Variants in EHBP1 observed in about 807,000 individuals in gnomAD.
The protein encoded by EHBP1 is EH domain-binding protein 1.
A neutral mutation model predicts 144.0 loss-of-function variants in EHBP1; 55 were observed. That is an observed-to-expected ratio of 0.38 (90% confidence interval 0.31 to 0.48). EHBP1 has a LOEUF of 0.48. Ranked by LOEUF, EHBP1 falls within the 20% of genes least tolerant of loss-of-function variation. The pLI, the probability that EHBP1 is intolerant of heterozygous loss-of-function variation, is 0.98. For missense variants in EHBP1, 1,200 were observed against 1,364.2 expected (o/e 0.88, Z 1.90); for synonymous variants, 469 against 472.7 (o/e 0.99, Z 0.10).
chr2:62,743,095 G>A (rs563408587), intron 2 of EHBP1, among the ~76,000 whole-genome samples: 39 of 151,972 alleles, frequency 2.6e-4, no homozygotes, highest in Middle Eastern at 3.4e-3. Context: ...TTATTATATC[G>A]TATAGAAATA....
intron 3 of EHBP1, among the ~76,000 whole-genome samples, chr2:62,763,962 G>A (rs1421628014): frequency 1.3e-5 from 2 of 151,902 alleles, no homozygotes; most frequent in African/African-American, 2.4e-5. Flanking sequence ...GAAAACATGA[G>A]ACATCATGTT....
At chr2:63,008,596 CTTT>C (rs1381866088) in intron 19 of EHBP1, among the ~76,000 whole-genome samples, 1 of 144,006 alleles carries the variant, frequency 6.9e-6, no homozygotes, top group Non-Finnish European at 1.5e-5. Flanking sequence ...CAAAAGATAT[CTTT>C]TTGTACCTAG....
chr2:62,835,160 A>G (rs1050949726), intron 7 of EHBP1, among the ~76,000 whole-genome samples: 9 of 151,954 alleles, frequency 5.9e-5, no homozygotes, highest in East Asian at 1.9e-4. Flanking sequence ...TTTTTAACCT[A>G]TCTGTGTTAT....
At chr2:62,997,448 G>A (rs2059685197) in intron 19 of EHBP1, among the ~76,000 whole-genome samples, 1 of 151,014 alleles carries the variant, frequency 6.6e-6, no homozygotes, top group Admixed American at 6.6e-5. Flanking sequence ...GTGTGTGTGT[G>A]TGTGTGTGTG....
chr2:62,973,956 C>G (rs1281284053), intron 14 of EHBP1, among the ~76,000 whole-genome samples: 1 of 152,102 alleles, frequency 6.6e-6, no homozygotes, highest in African/African-American at 2.4e-5. Context: ...TTGCGGTTAG[C>G]TATGATTGCA....
intron 7 of EHBP1, among the ~76,000 whole-genome samples, chr2:62,848,027 C>A (rs2048414172): frequency 6.6e-6 from 1 of 150,946 alleles, no homozygotes; most frequent in African/African-American, 2.4e-5. Context: ...AACAAACTCT[C>A]ATCCATTGTT....
intron 2 of EHBP1, among the ~76,000 whole-genome samples, chr2:62,720,700 C>T (rs1316181231): frequency 7.9e-5 from 12 of 152,118 alleles, no homozygotes; most frequent in Admixed American, 6.5e-4. Flanking sequence ...TAATTTTAGG[C>T]TTACAGAAGA....
chr2:62,834,042 G>A (rs773824210), intron 7 of EHBP1, among the ~76,000 whole-genome samples: 34 of 152,222 alleles, frequency 2.2e-4, no homozygotes, highest in Non-Finnish European at 3.8e-4. Context: ...AGCATTGGAA[G>A]TGGAGCCTAA....
chr2:62,826,084 C>G lies in EHBP1; in HGVS notation c.313-3C>G. 1 of 1,437,700 alleles carries G rather than the reference C, an allele frequency of 7.0e-7. No individual in the cohort carries two copies. 89.1% of individuals were successfully genotyped at this position (1,437,700 alleles called of 1,614,324 possible). On this transcript the variant is annotated splice_region_variant and splice_polypyrimidine_tract_variant and intron_variant, in intron 5 of 22. Transcript: ENST00000431489. ...CATACTTTTTTTTTCTTTAATCTTC[C>G]AGGAATCCCCTTCTGGTCGAAGGAA...
intron 8 of EHBP1, among the ~76,000 whole-genome samples, chr2:62,859,688 A>G (rs530928985): frequency 3.3e-5 from 5 of 152,270 alleles, no homozygotes; most frequent in African/African-American, 1.2e-4. Context: ...CTAGCAGAGA[A>G]TTAGTAGTGA....
intron 1 of EHBP1, among the ~76,000 whole-genome samples, chr2:62,699,896 C>T (rs1468668340): frequency 6.6e-6 from 1 of 152,200 alleles, no homozygotes; most frequent in Non-Finnish European, 1.5e-5. Flanking sequence ...GCTCCTCTGC[C>T]TCTAGCAACC....
At chr2:62,995,487 ATTCT>A (rs1373121477) in intron 18 of EHBP1, among the ~76,000 whole-genome samples, 3 of 152,100 alleles carry the variant, frequency 2.0e-5, no homozygotes, top group Non-Finnish European at 4.4e-5. Flanking sequence ...AATTAACATA[ATTCT>A]TTATTTTATT....
At chr2:62,803,282 T>TA (rs2044180887) in intron 5 of EHBP1, among the ~76,000 whole-genome samples, 1 of 151,900 alleles carries the variant, frequency 6.6e-6, no homozygotes, top group Non-Finnish European at 1.5e-5. Context: ...GATTCCCAGA[T>TA]ACTGGAATAG....
intron 9 of EHBP1, among the ~76,000 whole-genome samples, chr2:62,867,070 T>G (rs983499395): frequency 5.9e-5 from 9 of 152,100 alleles, no homozygotes; most frequent in Admixed American, 6.6e-5. Flanking sequence ...AAAATTTGGA[T>G]TTACACGAAG....
chr2:62,980,189 A>C (rs1224014376), intron 15 of EHBP1, among the ~76,000 whole-genome samples: 1 of 152,182 alleles, frequency 6.6e-6, no homozygotes. Flanking sequence ...TCCACGGACC[A>C]GGAGGGTAAG....
chr2:62,860,364 G>GC (rs1227951242), intron 8 of EHBP1, among the ~76,000 whole-genome samples: 2 of 152,116 alleles, frequency 1.3e-5, no homozygotes, highest in Admixed American at 1.3e-4. Context: ...GGTGGTGCAT[G>GC]CATGTAATCC....
chr2:63,037,693 G>A (rs1332547144), intron 20 of EHBP1, 59 bp downstream of exon 20: 2 of 915,698 alleles, frequency 2.2e-6, no homozygotes, highest in Non-Finnish European at 1.7e-6. Flanking sequence ...TAGGCCTCTT[G>A]TTATTGCCTT....
intron 15 of EHBP1, among the ~76,000 whole-genome samples, chr2:62,979,959 A>G (rs945732857): frequency 8.5e-5 from 13 of 152,156 alleles, no homozygotes; most frequent in African/African-American, 3.1e-4. Flanking sequence ...GGAACATTTT[A>G]CATTTTTAAG....
intron 14 of EHBP1, among the ~76,000 whole-genome samples, chr2:62,977,438 C>T (rs573937499): frequency 7.2e-5 from 11 of 152,260 alleles, no homozygotes; most frequent in African/African-American, 2.6e-4. Context: ...CCACCAACTT[C>T]GATCTCTACC....
Sources: allele counts gnomAD v4.1 joint callset (sites outside exome capture counted in the v4.1 genomes callset), GRCh38; gene constraint gnomAD v4.1.1; transcripts MANE v1.5; gene names NCBI Gene and HGNC (gene_info 2026-07-23, HGNC 2026-07-21).